The following PLB1 variants were observed in gnomAD, a reference collection of about 807,000 sequenced individuals.
PLB1 encodes the protein phospholipase B1.
PLB1 carries 242 observed loss-of-function variants against 227.4 expected under a neutral mutation model. That is an observed-to-expected ratio of 1.06 (90% CI 0.96 to 1.18). PLB1 has a LOEUF of 1.18. Among genes scored for constraint, PLB1 ranks in the 50% most tolerant of loss-of-function variants. The pLI, the probability that PLB1 is intolerant of heterozygous loss-of-function variation, is 0.00. For missense variants in PLB1, 1,858 were observed against 1,816.3 expected (o/e 1.02, Z -0.42); for synonymous variants, 757 against 682.2 (o/e 1.11, Z -1.71).
intron 17 of PLB1, 108 bp from the exon 18 acceptor site, chr2:28,562,933 C>T: frequency 1.8e-6 from 2 of 1,103,830 alleles, no homozygotes; most frequent in Middle Eastern, 2.2e-4. Context: ...GTGGTAAAAA[C>T]TGACTTTTTC....
chr2:28,604,871 G>A, intron 41 of PLB1, 112 bp downstream of exon 41: 1 of 981,668 alleles, frequency 1.0e-6, no homozygotes, highest in South Asian at 1.6e-5. Flanking sequence ...CAGCTCTCCA[G>A]ACGCTGTGCT....
intron 23 of PLB1, among the ~76,000 whole-genome samples, chr2:28,581,603 G>C: frequency 6.6e-6 from 1 of 152,070 alleles, no homozygotes; most frequent in Non-Finnish European, 1.5e-5. Context: ...GGATCATGGG[G>C]CTGGTGTCCA....
chr2:28,531,896 C>G (rs1005844897), intron 8 of PLB1, among the ~76,000 whole-genome samples: 14 of 151,878 alleles, frequency 9.2e-5, no homozygotes, highest in African/African-American at 3.1e-4. Flanking sequence ...AAAGGTGTGT[C>G]TTTTAATTAA....
intron 51 of PLB1, 73 bp from the exon 52 acceptor site, chr2:28,628,490 G>A (rs1208564622): frequency 1.0e-5 from 14 of 1,393,538 alleles, no homozygotes; most frequent in African/African-American, 1.4e-5. Flanking sequence ...AGGCCCCAGA[G>A]CCCTCCTATG....
At position 28,566,827 on chromosome 2, in the gene PLB1, AC is replaced by A. The variant is rs760413247; in HGVS notation, c.1314del (p.Thr439ProfsTer13). On this transcript the variant is annotated frameshift_variant, in exon 20 of 58. Coordinates refer to ENST00000327757, the MANE Select transcript of PLB1 (RefSeq NM_153021.5). LOFTEE classifies it high-confidence loss of function. ...VGGDENIGTVTTLANILREFN... is the reference protein window; with the variant it reads ...VGGDENIGTVXTLANILREFN... ...CGGAGATGAGAACATCGGCACCGTT[AC>A]CACCCTGGCGAGTGAGTACGCGGCG... The A allele has an allele frequency of 3.7e-6, 6 of 1,613,872 alleles. No homozygotes were observed. The highest frequency in any genetic ancestry group is 5.1e-6 in the Non-Finnish European group (6 of 1,180,012).
At position 28,620,616 on chromosome 2, in the gene PLB1, A is replaced by C; in HGVS notation, c.3400A>C (p.Asn1134His). Residue 1134 changes from asparagine to histidine, a missense_variant, in exon 48 of 58, where the codon AAC becomes CAC. Transcript: ENST00000327757. Reference sequence around the variant, plus strand: ...CCTCCCCAGCATTGGAGGGGATGGGAACTTGGAGACTCACACCACACTGCC... The same window carrying C: ...CCTCCCCAGCATTGGAGGGGATGGGCACTTGGAGACTCACACCACACTGCC... ...GLSWSIGGDG[N>H]LETHTTLPNI... 1 of 1,613,800 alleles carries C rather than the reference A, an allele frequency of 6.2e-7. No individual in the cohort carries two copies. Among genetic ancestry groups the C allele is most frequent in the Non-Finnish European group, 8.5e-7 (1 of 1,179,890 alleles).
In PLB1 at chr2:28,604,713, TG is replaced by T; in HGVS notation, c.2917del (p.Val973CysfsTer60). The T allele has an allele frequency of 6.2e-7, 1 of 1,614,188 alleles. No individual in the cohort carries two copies. The highest frequency in any genetic ancestry group is 8.5e-7 in the Non-Finnish European group (1 of 1,180,010). ...TATGACACGCAGGAGGACTTCTCTGTGGTGCTGCAGCCCTTCTTCCAGAACA... is the reference window on the plus strand; with the variant it reads ...TATGACACGCAGGAGGACTTCTCTGTGTGCTGCAGCCCTTCTTCCAGAACA... The part of the protein sequence containing the change: ...GRYDTQEDFS[V>X]VLQPFFQNIQ... On this transcript the variant is annotated frameshift_variant, in exon 41 of 58. Coordinates refer to ENST00000327757, the MANE Select transcript of PLB1 (RefSeq NM_153021.5). LOFTEE classifies it high-confidence loss of function.
At chr2:28,570,522 AC>A (rs34043529) in intron 20 of PLB1, among the ~76,000 whole-genome samples, 88,020 of 152,020 alleles carry the variant, frequency 0.58, 29,071 homozygotes, top group Non-Finnish European at 0.76. Context: ...GCAGTGGCTC[AC>A]GCCTGTACTA....
chr2:28,619,523 TG>T (rs371935833), intron 46 of PLB1, among the ~76,000 whole-genome samples: 44,284 of 110,558 alleles, frequency 0.4, 7,015 homozygotes, highest in East Asian at 0.54. Context: ...TTCAAGGTTT[TG>T]TTTTTTTTTT....
intron 49 of PLB1, among the ~76,000 whole-genome samples, 166 bp downstream of exon 49, chr2:28,621,144 C>A (rs1186824992): frequency 1.3e-5 from 2 of 152,194 alleles, no homozygotes; most frequent in Admixed American, 1.3e-4. Context: ...CACCCTTGGA[C>A]AGGGGCACTG....
At chr2:28,601,170 G>A (rs772030770) in intron 36 of PLB1, 82 bp from the exon 37 acceptor site, 25 of 1,178,606 alleles carry the variant, frequency 2.1e-5, no homozygotes, top group Non-Finnish European at 3.0e-5. Flanking sequence ...GGATGTTATA[G>A]AGGGTTGAAT....
intron 20 of PLB1, 81 bp from the exon 21 acceptor site, chr2:28,573,116 A>T (rs1198977946): frequency 3.6e-6 from 4 of 1,097,142 alleles, no homozygotes; most frequent in Admixed American, 1.9e-5. Context: ...TCTGTTCCCT[A>T]ACACCCACTG....
At chr2:28,581,350 T>C (rs950392431) in intron 23 of PLB1, among the ~76,000 whole-genome samples, 2 of 151,740 alleles carry the variant, frequency 1.3e-5, no homozygotes, top group East Asian at 3.9e-4. Context: ...GATCGGGCCA[T>C]AGGACAGAGG....
intron 44 of PLB1, among the ~76,000 whole-genome samples, chr2:28,617,492 A>C (rs1319825680): frequency 6.6e-6 from 1 of 152,206 alleles, no homozygotes; most frequent in Non-Finnish European, 1.5e-5. Context: ...GTGGGTGCAC[A>C]TGTGGAGACA....
At chr2:28,632,174 T>G (rs777099729) in intron 55 of PLB1, 34 bp downstream of exon 55, 16 of 1,517,072 alleles carry the variant, frequency 1.1e-5, no homozygotes, top group African/African-American at 2.7e-5. Flanking sequence ...GGCTCACGTA[T>G]GGGGGCCTTA....
intron 8 of PLB1, among the ~76,000 whole-genome samples, chr2:28,530,528 T>C (rs918728603): frequency 1.3e-5 from 2 of 152,230 alleles, no homozygotes; most frequent in African/African-American, 4.8e-5. Flanking sequence ...TAATTTTAGT[T>C]CTGAGTGTGG....
chr2:28,597,120 T>C (rs112667624), intron 33 of PLB1, among the ~76,000 whole-genome samples: 11,458 of 151,856 alleles, frequency 0.075, 1,180 homozygotes, highest in African/African-American at 0.23. Flanking sequence ...AAAAATTAGC[T>C]GGGCATGGTG....
chr2:28,628,735 G>C, intron 52 of PLB1, 107 bp downstream of exon 52: 11 of 1,101,024 alleles, frequency 1.0e-5, no homozygotes, highest in Non-Finnish European at 1.5e-5. Flanking sequence ...CCCGCCATGA[G>C]TGAGCACCTG....
At chr2:28,538,201 A>G (rs1271184950) in intron 9 of PLB1, 118 bp from the exon 10 acceptor site, 3 of 1,170,708 alleles carry the variant, frequency 2.6e-6, no homozygotes, top group Non-Finnish European at 3.8e-6. Context: ...TGCCAGGTCT[A>G]GATGGTGCCT....
Sources: allele counts gnomAD v4.1 joint callset (sites outside exome capture counted in the v4.1 genomes callset), GRCh38; gene constraint gnomAD v4.1.1; transcripts MANE v1.5; gene names NCBI Gene and HGNC (gene_info 2026-07-23, HGNC 2026-07-21).